The following SLA variants were observed in gnomAD, a reference collection of about 807,000 sequenced individuals.
SLA encodes Src like adaptor, also known as src-like-adapter.
In SLA, 16 loss-of-function variants were observed where a neutral mutation model predicts 30.3. The ratio of observed to expected loss-of-function variants is 0.53; its 90% confidence interval spans 0.36 to 0.80. SLA has a LOEUF of 0.80. Ranked by LOEUF, SLA falls within the 30% of genes least tolerant of loss-of-function variation. SLA has a pLI of 0.01. For missense variants in SLA, 310 were observed against 345.2 expected, an observed-to-expected ratio of 0.90 and a Z score of 0.81; for synonymous variants, 143 against 137.8, an observed-to-expected ratio of 1.04 and a Z score of -0.26.
intron 3 of SLA, among the ~76,000 whole-genome samples, chr8:133,054,495 C>T (rs1313267755): frequency 4.6e-5 from 7 of 152,100 alleles, no homozygotes; most frequent in Non-Finnish European, 1.5e-5. Context: ...CCAAAATCTG[C>T]CTCATAGGAT....
rs1474721721 is a variant in SLA at position 133,055,361 on chromosome 8, GCGCGCACACACACA to G, written c.62-4460_62-4447del. 6.4e-3 allele frequency among the ~76,000 whole-genome samples: 837 copies of G among 131,742 alleles called. 9 individuals carry two copies. The highest frequency in any genetic ancestry group is 0.015 in the African/African-American group (566 of 38,346). 86.4% of individuals were successfully genotyped at this position (131,742 alleles called of 152,430 possible). A position where few individuals can be genotyped will look rare whatever the true frequency, so the allele number is the denominator to read the frequency against. On this transcript the variant is annotated intron_variant, in intron 3 of 8. Transcript: ENST00000338087. ...TCATCTTCAGGACACACACACGCACGCGCGCACACACACACACACACACACACACACACACACAC... is the reference window on the plus strand; with the variant it reads ...TCATCTTCAGGACACACACACGCACGCACACACACACACACACACACACAC...
intron 1 of SLA, among the ~76,000 whole-genome samples, chr8:133,078,076 G>A (rs908387689): frequency 4.6e-5 from 7 of 152,198 alleles, no homozygotes; most frequent in South Asian, 2.1e-4. Context: ...TCTGCAGCAC[G>A]TCTGCCTGTG....
intron 1 of SLA, among the ~76,000 whole-genome samples, chr8:133,089,153 G>A (rs11988144): frequency 0.039 from 6,011 of 152,220 alleles, 408 homozygotes; most frequent in African/African-American, 0.14. Context: ...ACAAGTCACC[G>A]ATGGGCTCCC....
chr8:133,099,317 A>T (rs556971517), intron 1 of SLA, among the ~76,000 whole-genome samples: 2 of 152,210 alleles, frequency 1.3e-5, no homozygotes, highest in East Asian at 3.9e-4. Flanking sequence ...TGGGACACGC[A>T]TTAGTGAAGC....
intron 3 of SLA, among the ~76,000 whole-genome samples, chr8:133,052,185 A>T (rs962354278): frequency 6.6e-6 from 1 of 152,236 alleles, no homozygotes; most frequent in Admixed American, 6.5e-5. Context: ...CCTCTTGGGC[A>T]GACTAAGTCT....
chr8:133,064,721 G>A (rs149722903), intron 2 of SLA, among the ~76,000 whole-genome samples: 13 of 152,294 alleles, frequency 8.5e-5, no homozygotes, highest in East Asian at 1.9e-4. Flanking sequence ...TTTCTGTTTC[G>A]CAGATCTGGG....
intron 7 of SLA, 106 bp from the exon 8 acceptor site, chr8:133,040,236 G>A (rs1235515687): frequency 2.4e-6 from 3 of 1,256,478 alleles, no homozygotes; most frequent in African/African-American, 3.0e-5. Context: ...CTGCTGCCAT[G>A]GGGAACTGGG....
At chr8:133,081,948 A>T (rs541054465) in intron 1 of SLA, among the ~76,000 whole-genome samples, 1 of 152,246 alleles carries the variant, frequency 6.6e-6, no homozygotes, top group Non-Finnish European at 1.5e-5. Context: ...GGAAACAGGC[A>T]TCTCATTTCT....
chr8:133,043,258 G>T (rs975999812), intron 7 of SLA, among the ~76,000 whole-genome samples: 2 of 152,088 alleles, frequency 1.3e-5, no homozygotes, highest in African/African-American at 4.8e-5. Flanking sequence ...GTAGCCTCAT[G>T]GCCTCATGGT....
intron 1 of SLA, among the ~76,000 whole-genome samples, chr8:133,092,458 G>T (rs1847716595): frequency 6.6e-6 from 1 of 152,216 alleles, no homozygotes; most frequent in Non-Finnish European, 1.5e-5. Context: ...TACAGGCATG[G>T]CTGGGTGGAC....
Position 133,047,918 on chromosome 8 carries a change from G to A in SLA, c.264C>T (p.Gly88=), listed in dbSNP as rs781127321. The A allele has an allele frequency of 1.9e-6, 3 of 1,608,908 alleles. No homozygotes were observed. In the Admixed American group the frequency reaches 5.0e-5, roughly 27 times the overall value. Residue 88 remains glycine (G), a synonymous_variant, in exon 6 of 9, where the codon GGC becomes GGT. Coordinates refer to ENST00000338087, the MANE Select transcript of SLA (RefSeq NM_001045556.3). The part of the protein sequence containing the change: ...ARVYHGWLFE[G]LGRDKAEELL... The stretch of plus-strand genomic sequence containing the variant: ...GCTCCTCGGCCTTGTCTCTGCCCAG[G>A]CCCTCAAACAGCCAGCTGGGAAGGA...
At chr8:133,078,822 G>A (rs1380623456) in intron 1 of SLA, among the ~76,000 whole-genome samples, 12 of 152,272 alleles carry the variant, frequency 7.9e-5, no homozygotes, top group African/African-American at 1.7e-4. Context: ...GAGGACAGAC[G>A]GGGAGAGAAT....
chr8:133,071,641 A>G, intron 2 of SLA, among the ~76,000 whole-genome samples: 1 of 151,476 alleles, frequency 6.6e-6, no homozygotes, highest in Non-Finnish European at 1.5e-5. Flanking sequence ...TGCAGCGGGG[A>G]GAGGGGAGGA....
chr8:133,045,054 G>A lies in SLA; in HGVS notation c.414C>T (p.Pro138=). 6.2e-7 allele frequency: 1 copy of A among 1,614,136 alleles called. No individual in the cohort carries two copies. Among genetic ancestry groups the A allele is most frequent in the Non-Finnish European group, 8.5e-7 (1 of 1,179,984 alleles). The change falls in exon 7 of 9, where the codon CCC becomes CCT. Residue 138 remains proline, a synonymous_variant. Transcript: ENST00000338087. Reference sequence around the variant, plus strand: ...TCGGGGAAATGTAGTACCAGTTGTTGGGCAGACGGAAAATGCGGTAATGCT... The same window carrying A: ...TCGGGGAAATGTAGTACCAGTTGTTAGGCAGACGGAAAATGCGGTAATGCT... The part of the protein sequence containing the change: ...QVKHYRIFRL[P]NNWYYISPRL...
chr8:133,046,466 C>T (rs1490927038), intron 6 of SLA: 1 of 152,254 alleles, frequency 6.6e-6, no homozygotes, highest in Admixed American at 6.5e-5. Flanking sequence ...CAGCATGAGC[C>T]TTCCCGTAAG....
intron 1 of SLA, among the ~76,000 whole-genome samples, chr8:133,091,730 ATGTG>A (rs1167978786): frequency 1.3e-5 from 2 of 151,022 alleles, no homozygotes; most frequent in East Asian, 3.9e-4. Context: ...GTGTGTGTCT[ATGTG>A]TGTGGGTGTA....
At position 133,047,867 on chromosome 8, in the gene SLA, G is replaced by A. The variant is rs752168666; in HGVS notation, c.315C>T (p.Val105=). The A allele has an allele frequency of 1.9e-5, 31 of 1,611,618 alleles. No individual in the cohort carries two copies. Among genetic ancestry groups the A allele is most frequent in the Admixed American group, 8.3e-5 (5 of 60,008 alleles). The change falls in exon 6 of 9, where the codon GTC becomes GTT. Residue 105 remains valine, a synonymous_variant. Transcript: ENST00000338087. The stretch of plus-strand genomic sequence containing the variant: ...CACTCTCTCTGATCATGAAGGAGCC[G>A]ACCTTTGTGTCTGGCAGCTGCAGCA... The part of the protein sequence containing the change: ...EELLQLPDTK[V]GSFMIRESET...
At chr8:133,043,861 A>ATC (rs1838787681) in intron 7 of SLA, among the ~76,000 whole-genome samples, 2 of 152,200 alleles carry the variant, frequency 1.3e-5, no homozygotes, top group Non-Finnish European at 2.9e-5. Context: ...AGAAGGGGGA[A>ATC]GATGCTGTCA....
chr8:133,053,734 C>T (rs984006683), intron 3 of SLA, among the ~76,000 whole-genome samples: 1 of 152,190 alleles, frequency 6.6e-6, no homozygotes, highest in African/African-American at 2.4e-5. Flanking sequence ...AAGCAAAATC[C>T]CATTATAAAA....
Sources: gnomAD v4.1 joint callset for allele counts (sites outside exome capture counted in the v4.1 genomes callset) on GRCh38, gnomAD v4.1.1 for gene constraint, MANE v1.5 for transcripts, NCBI Gene and HGNC (gene_info 2026-07-23, HGNC 2026-07-21) for gene names.